Variants in FILIP1 observed in about 807,000 individuals in gnomAD.
The protein encoded by FILIP1 is filamin A interacting protein 1, also known as filamin-A-interacting protein 1.
FILIP1 carries 61 observed loss-of-function variants against 102.1 expected under a neutral mutation model. That is an observed-to-expected ratio of 0.60 (90% confidence interval 0.49 to 0.74). FILIP1 has a LOEUF of 0.74. FILIP1 is among the 30% of genes least tolerant of loss of function. FILIP1 has a pLI of 0.00. For missense variants in FILIP1, 1,314 were observed against 1,441.2 expected (o/e 0.91, Z 1.43); for synonymous variants, 491 against 526.9 (o/e 0.93, Z 0.93).
intron 1 of FILIP1, among the ~76,000 whole-genome samples, chr6:75,455,813 A>G (rs1778810618): frequency 6.6e-6 from 1 of 152,218 alleles, no homozygotes; most frequent in East Asian, 1.9e-4. Flanking sequence ...CTGAACGGCT[A>G]CTAAGGTCAA....
chr6:75,389,450 C>T (rs146420865), intron 2 of FILIP1, among the ~76,000 whole-genome samples: 8 of 152,252 alleles, frequency 5.3e-5, no homozygotes, highest in African/African-American at 1.4e-4. Flanking sequence ...AGGAATGGTA[C>T]CAGCTTTTCT....
At chr6:75,380,195 C>A (rs1304734103) in intron 2 of FILIP1, among the ~76,000 whole-genome samples, 4 of 100,660 alleles carry the variant, frequency 4.0e-5, no homozygotes, top group Non-Finnish European at 4.0e-5. Flanking sequence ...ACAATCATAG[C>A]CAATTAAAAG....
chr6:75,387,572 T>G (rs1445937488), intron 2 of FILIP1, among the ~76,000 whole-genome samples: 2 of 152,212 alleles, frequency 1.3e-5, no homozygotes, highest in Non-Finnish European at 2.9e-5. Context: ...GACTTTTTAA[T>G]GATCACCATT....
intron 6 of FILIP1, among the ~76,000 whole-genome samples, chr6:75,299,732 A>C (rs1022962676): frequency 1.3e-5 from 2 of 152,208 alleles, no homozygotes; most frequent in African/African-American, 4.8e-5. Context: ...GAAATGATGT[A>C]GTTTTTATGA....
intron 2 of FILIP1, among the ~76,000 whole-genome samples, chr6:75,381,492 T>C (rs1280055019): frequency 1.3e-5 from 2 of 152,134 alleles, no homozygotes; most frequent in Non-Finnish European, 2.9e-5. Context: ...CCTCCCAAAG[T>C]GCTGAGATTA....
intron 4 of FILIP1, among the ~76,000 whole-genome samples, chr6:75,345,434 G>C (rs1005504527): frequency 6.6e-6 from 1 of 151,820 alleles, no homozygotes; most frequent in African/African-American, 2.4e-5. Flanking sequence ...GCTCGCACAG[G>C]TGAATGCCAG....
At chr6:75,455,727 T>C (rs1319570136) in intron 1 of FILIP1, among the ~76,000 whole-genome samples, 1 of 152,162 alleles carries the variant, frequency 6.6e-6, no homozygotes, top group African/African-American at 2.4e-5. Context: ...AGAAAAACTT[T>C]TACCTCTTAG....
At chr6:75,380,809 G>A (rs1775885983) in intron 2 of FILIP1, among the ~76,000 whole-genome samples, 1 of 152,102 alleles carries the variant, frequency 6.6e-6, no homozygotes, top group Admixed American at 6.6e-5. Context: ...AATATTTAAA[G>A]TTGCATATAT....
At chr6:75,466,477 T>G (rs1779168671) in intron 1 of FILIP1, among the ~76,000 whole-genome samples, 1 of 152,214 alleles carries the variant, frequency 6.6e-6, no homozygotes, top group African/African-American at 2.4e-5. Context: ...CATGTATCCA[T>G]TCATCAACAA....
chr6:75,480,550 A>T (rs1376464411), intron 1 of FILIP1, among the ~76,000 whole-genome samples: 1 of 152,162 alleles, frequency 6.6e-6, no homozygotes, highest in Non-Finnish European at 1.5e-5. Flanking sequence ...AAATTATCCA[A>T]CATGTGCTCC....
At chr6:75,332,977 G>A (rs942592865) in intron 4 of FILIP1, among the ~76,000 whole-genome samples, 45 of 152,148 alleles carry the variant, frequency 3.0e-4, no homozygotes, top group Non-Finnish European at 4.1e-4. Context: ...CAACATAAAA[G>A]TATTTTACTG....
At chr6:75,469,587 C>T (rs1202341433) in intron 1 of FILIP1, among the ~76,000 whole-genome samples, 2 of 151,996 alleles carry the variant, frequency 1.3e-5, no homozygotes, top group South Asian at 2.1e-4. Flanking sequence ...TGTGCATTAG[C>T]TTTTTAAAAA....
intron 1 of FILIP1, among the ~76,000 whole-genome samples, chr6:75,429,868 T>C (rs945360002): frequency 2.0e-5 from 3 of 152,212 alleles, no homozygotes; most frequent in Admixed American, 1.3e-4. Context: ...ACTTTTTTTG[T>C]GTCCCATGAT....
chr6:75,363,128 G>GA, intron 2 of FILIP1: 2 of 400,712 alleles, frequency 5.0e-6, no homozygotes, highest in East Asian at 4.0e-5. Context: ...CAGGCAAGCA[G>GA]AAAAAAGGAT....
At chr6:75,352,690 G>A (rs1164474145) in intron 4 of FILIP1, among the ~76,000 whole-genome samples, 1 of 151,746 alleles carries the variant, frequency 6.6e-6, no homozygotes, top group African/African-American at 2.4e-5. Flanking sequence ...TTCTACACTG[G>A]TATTAAAAAT....
chr6:75,485,654 A>G (rs1272410379), intron 1 of FILIP1, among the ~76,000 whole-genome samples: 1 of 152,154 alleles, frequency 6.6e-6, no homozygotes. Flanking sequence ...AATGCCAGAA[A>G]TGCAAATAGA....
chr6:75,295,655 A>G (rs1368821240), exon 7 of FILIP1: 2 of 326,888 alleles, frequency 6.1e-6, no homozygotes, highest in Non-Finnish European at 1.1e-5. Flanking sequence ...GCATGTGCCC[A>G]TAGACCTGAA....
chr6:75,456,608 G>GCAA, intron 1 of FILIP1, among the ~76,000 whole-genome samples: 1 of 144,146 alleles, frequency 6.9e-6, no homozygotes, highest in South Asian at 2.2e-4. Flanking sequence ...TTGCCAGGCT[G>GCAA]CAGTGTGGTG....
At chr6:75,404,613 A>T (rs1031110903) in intron 2 of FILIP1, among the ~76,000 whole-genome samples, 1 of 152,086 alleles carries the variant, frequency 6.6e-6, no homozygotes, top group Admixed American at 6.5e-5. Context: ...CTCTGCAACG[A>T]TTCAGCATGT....
Sources: allele counts gnomAD v4.1 joint callset (sites outside exome capture counted in the v4.1 genomes callset), GRCh38; gene constraint gnomAD v4.1.1; transcripts MANE v1.5; gene names NCBI Gene and HGNC (gene_info 2026-07-23, HGNC 2026-07-21).